Variants in CTNNA3 observed in about 807,000 individuals in gnomAD.
The protein encoded by CTNNA3 is catenin alpha-3.
A neutral mutation model predicts 95.7 loss-of-function variants in CTNNA3; 76 were observed. That is an observed-to-expected ratio of 0.79 (90% CI 0.66 to 0.96). The LOEUF is 0.96. CTNNA3 is among the 40% of genes least tolerant of loss of function. The pLI, the probability that CTNNA3 is intolerant of heterozygous loss-of-function variation, is 0.00. For synonymous variants in CTNNA3, 431 were observed against 374.4 expected (o/e 1.15, Z -1.74); for missense variants, 1,191 against 1,089.8 (o/e 1.09, Z -1.31).
At chr10:66,620,060 A>G (rs903495048) in intron 10 of CTNNA3, among the ~76,000 whole-genome samples, 1 of 152,144 alleles carries the variant, frequency 6.6e-6, no homozygotes, top group Non-Finnish European at 1.5e-5. Context: ...AATATATTTC[A>G]GAGGGAATAA....
intron 13 of CTNNA3, among the ~76,000 whole-genome samples, chr10:66,232,313 G>A (rs1979362): frequency 0.81 from 122,871 of 152,120 alleles, 49,962 homozygotes; most frequent in South Asian, 0.94. Context: ...AATATTGTAA[G>A]GATTTCAGTT....
intron 5 of CTNNA3, among the ~76,000 whole-genome samples, chr10:67,370,229 G>A (rs768413536): frequency 3.9e-5 from 6 of 152,174 alleles, no homozygotes; most frequent in Non-Finnish European, 7.4e-5. Context: ...GATGTGGAAA[G>A]ATCTCCACTT....
chr10:67,571,665 A>G (rs1436744717), intron 3 of CTNNA3, among the ~76,000 whole-genome samples: 4 of 152,138 alleles, frequency 2.6e-5, no homozygotes, highest in Non-Finnish European at 4.4e-5. Context: ...TTCTTGTGCA[A>G]CTGATTTACT....
chr10:67,560,474 G>C (rs1841465184), intron 3 of CTNNA3, among the ~76,000 whole-genome samples: 1 of 152,148 alleles, frequency 6.6e-6, no homozygotes, highest in Admixed American at 6.5e-5. Context: ...CCCTAAAACA[G>C]CTCCTGAAGG....
intron 17 of CTNNA3, among the ~76,000 whole-genome samples, chr10:65,961,921 G>A (rs1346008846): frequency 1.3e-5 from 2 of 152,010 alleles, no homozygotes; most frequent in African/African-American, 4.8e-5. Flanking sequence ...ACGAGAGCCG[G>A]AAGCCAAGAA....
chr10:66,327,304 A>G (rs2092265973), intron 12 of CTNNA3, among the ~76,000 whole-genome samples: 1 of 152,134 alleles, frequency 6.6e-6, no homozygotes, highest in African/African-American at 2.4e-5. Context: ...TGTGTTAAAT[A>G]AGGAACTGAT....
At chr10:67,181,698 T>C (rs1481576776) in intron 6 of CTNNA3, among the ~76,000 whole-genome samples, 1 of 150,006 alleles carries the variant, frequency 6.7e-6, no homozygotes, top group Non-Finnish European at 1.5e-5. Flanking sequence ...TAAAATCTTA[T>C]ACTTATCATT....
chr10:67,695,435 G>C (rs1403216669), intron 1 of CTNNA3, among the ~76,000 whole-genome samples: 1 of 151,772 alleles, frequency 6.6e-6, no homozygotes, highest in African/African-American at 2.4e-5. Context: ...ATTCCATACA[G>C]TGATTTTCAT....
chr10:67,690,148 T>C (rs1210143790), intron 1 of CTNNA3, among the ~76,000 whole-genome samples: 2 of 152,152 alleles, frequency 1.3e-5, no homozygotes, highest in Non-Finnish European at 2.9e-5. Context: ...TCTTGCTGAC[T>C]TCAGGAGTGA....
At chr10:66,162,616 C>T (rs530541014) in intron 13 of CTNNA3, among the ~76,000 whole-genome samples, 74 of 152,048 alleles carry the variant, frequency 4.9e-4, no homozygotes, top group African/African-American at 1.4e-3. Flanking sequence ...GGTGCTGGGT[C>T]GGGGGGTGCT....
intron 9 of CTNNA3, among the ~76,000 whole-genome samples, chr10:66,719,123 T>C (rs180885573): frequency 3.0e-4 from 45 of 152,320 alleles, no homozygotes; most frequent in Admixed American, 9.2e-4. Context: ...TTAAGTGTCC[T>C]GTGATCTTAC....
At chr10:66,215,332 G>T (rs545621404) in intron 13 of CTNNA3, among the ~76,000 whole-genome samples, 1 of 152,144 alleles carries the variant, frequency 6.6e-6, no homozygotes, top group Admixed American at 6.5e-5. Context: ...AACGTGCTAT[G>T]CCCTTTACAT....
chr10:67,040,096 T>G (rs1451671516), intron 7 of CTNNA3, among the ~76,000 whole-genome samples: 3 of 152,142 alleles, frequency 2.0e-5, no homozygotes, highest in African/African-American at 7.2e-5. Context: ...CAGCAATCAT[T>G]CTAGCAGTAT....
intron 13 of CTNNA3, among the ~76,000 whole-genome samples, chr10:66,163,696 A>G (rs2084971557): frequency 6.6e-6 from 1 of 152,178 alleles, no homozygotes; most frequent in Admixed American, 6.6e-5. Context: ...TATAAGCTAT[A>G]TGCACAAGGA....
chr10:66,517,209 A>C (rs1216671649), intron 11 of CTNNA3, among the ~76,000 whole-genome samples: 3 of 152,070 alleles, frequency 2.0e-5, no homozygotes, highest in African/African-American at 7.2e-5. Context: ...TGACACAGAG[A>C]GACTCTGTCT....
intron 12 of CTNNA3, among the ~76,000 whole-genome samples, chr10:66,357,113 C>T (rs1246716697): frequency 6.6e-6 from 1 of 151,932 alleles, no homozygotes; most frequent in African/African-American, 2.4e-5. Context: ...GTATTACTGG[C>T]CTACTGAAAT....
intron 10 of CTNNA3, among the ~76,000 whole-genome samples, chr10:66,570,311 CAG>C (rs971939637): frequency 1.4e-5 from 2 of 146,942 alleles, no homozygotes; most frequent in Non-Finnish European, 3.0e-5. Context: ...TTTGTTTTGA[CAG>C]AGTCTCGCTC....
chr10:67,149,411 C>T (rs1860985832), intron 7 of CTNNA3, among the ~76,000 whole-genome samples: 1 of 151,918 alleles, frequency 6.6e-6, no homozygotes. Flanking sequence ...CGGTGAAACC[C>T]CGTCTCTACT....
At chr10:67,274,042 C>T (rs1839089587) in intron 5 of CTNNA3, among the ~76,000 whole-genome samples, 1 of 151,846 alleles carries the variant, frequency 6.6e-6, no homozygotes, top group African/African-American at 2.4e-5. Flanking sequence ...GAAAGTTTTG[C>T]CATAAATTTA....
Sources: gnomAD v4.1 joint callset for allele counts (sites outside exome capture counted in the v4.1 genomes callset) on GRCh38, gnomAD v4.1.1 for gene constraint, MANE v1.5 for transcripts, NCBI Gene and HGNC (gene_info 2026-07-23, HGNC 2026-07-21) for gene names.